DCAF4: variants seen among roughly 807,000 people sequenced by gnomAD.
The protein encoded by DCAF4 is DDB1 and CUL4 associated factor 4, also known as DDB1- and CUL4-associated factor 4.
Under a neutral mutation model 60.9 loss-of-function variants are expected in DCAF4, and 37 were observed. The ratio of observed to expected loss-of-function variants is 0.61; its 90% CI spans 0.47 to 0.80. The LOEUF (loss-of-function observed/expected upper bound fraction) is 0.80. Ranked by LOEUF, DCAF4 falls within the 30% of genes least tolerant of loss-of-function variation. The pLI, the probability that DCAF4 is intolerant of heterozygous loss-of-function variation, is 0.00. For synonymous variants in DCAF4, 243 were observed against 254.8 expected, an observed-to-expected ratio of 0.95 and a Z score of 0.44; for missense variants, 577 against 650.0, an observed-to-expected ratio of 0.89 and a Z score of 1.22.
In DCAF4 at chr14:72,959,166, C is replaced by T. The variant is rs1892668715; in HGVS notation, c.*361C>T. 3 of 1,002,382 alleles carry T rather than the reference C, an allele frequency of 3.0e-6. No homozygotes were observed. The African/African-American group carries it at 5.2e-5, about 17-fold the overall frequency. The allele number at this position is 1,002,382 out of a possible 1,614,324, so 62.1% of individuals were successfully genotyped here. A position where few individuals can be genotyped will look rare whatever the true frequency, so the allele number is the denominator to read the frequency against. On this transcript the variant is annotated 3_prime_UTR_variant, in exon 14 of 14. Transcript: ENST00000358377. ...TTCCTCCAAGAGCCCATTGAAGAAG[C>T]CCAGTGATGAGACGGTGAGATGGTT... is the stretch of plus-strand genomic sequence containing the variant.
At chr14:72,928,585 T>TTTTATATATATATATATATA (rs1283241933) in intron 1 of DCAF4, among the ~76,000 whole-genome samples, 9 of 15,930 alleles carry the variant, frequency 5.6e-4, no homozygotes, top group African/African-American at 8.5e-4. Flanking sequence ...TAAACATCCT[T>TTTTATATATATATATATATA]TATATATATA....
chr14:72,934,156 C>CT (rs72429674), intron 1 of DCAF4, among the ~76,000 whole-genome samples: 7,733 of 136,260 alleles, frequency 0.057, 727 homozygotes, highest in African/African-American at 0.19. Context: ...GTGGCATTTT[C>CT]TTTTTTTTTT....
chr14:72,950,133 G>C (rs935661970), intron 8 of DCAF4, among the ~76,000 whole-genome samples: 3 of 152,236 alleles, frequency 2.0e-5, no homozygotes, highest in Non-Finnish European at 4.4e-5. Context: ...GGAGGTCCCA[G>C]GGGGTTGTGA....
rs1306341148 is a variant in DCAF4, at chr14:72,953,726, A to T, written c.809-438A>T. ...CCCTGTCTTAAAAAAAAAAAAAAAA[A>T]AAAAAAATATATATATATATATATA... On this transcript the variant is annotated intron_variant, in intron 9 of 13. Transcript: ENST00000358377. Among the ~76,000 whole-genome samples the T allele has an allele frequency of 5.5e-3, 253 of 45,832 alleles. 12 individuals carry two copies. The highest frequency in any genetic ancestry group is 6.9e-3 in the Non-Finnish European group (184 of 26,582). The allele number at this position is 45,832 out of a possible 152,430, so 30.1% of individuals were successfully genotyped here.
intron 4 of DCAF4, 28 bp from the exon 5 acceptor site, chr14:72,941,717 A>T: frequency 6.3e-7 from 1 of 1,597,876 alleles, no homozygotes; most frequent in Non-Finnish European, 8.6e-7. Context: ...TCTTCATTGA[A>T]TTGTTCTCTT....
chr14:72,939,801 G>T lies in DCAF4; in HGVS notation c.93-1G>T. The T allele has an allele frequency of 6.2e-7, 1 of 1,610,618 alleles. No individual in the cohort carries two copies. The highest frequency in any genetic ancestry group is 8.5e-7 in the Non-Finnish European group (1 of 1,178,422). On this transcript the variant is annotated splice_acceptor_variant, in intron 2 of 13. Coordinates refer to ENST00000358377, the MANE Select transcript of DCAF4 (RefSeq NM_015604.4). LOFTEE classifies it high-confidence loss of function. ...AAGTTAACACAGCTGTGTGTCAACA[G>T]GTCTGACTCCCGGGCAGCACAGCCC...
chr14:72,935,075 A>T (rs1433521072), intron 1 of DCAF4: 1 of 152,236 alleles, frequency 6.6e-6, no homozygotes, highest in Non-Finnish European at 1.5e-5. Flanking sequence ...AGTCATGCAG[A>T]GTGATGAGTG....
Position 72,940,333 on chromosome 14 carries a change from A to G in DCAF4, c.307A>G (p.Ser103Gly). ...KESIRQKEME[S>G]KRLRLLQEED... ...GAGCATCCGGCAGAAGGAGATGGAG[A>G]GCAAGAGACTGCGGCTGCTCCAGGA... The change falls in exon 4 of 14, where the codon AGC (serine) becomes GGC (glycine). Residue 103 changes from serine to glycine, a missense_variant. Coordinates refer to ENST00000358377, the MANE Select transcript of DCAF4 (RefSeq NM_015604.4). 1 of 1,613,962 alleles carries G rather than the reference A, an allele frequency of 6.2e-7. No individual in the cohort carries two copies. Among genetic ancestry groups the G allele is most frequent in the Non-Finnish European group, 8.5e-7 (1 of 1,179,990 alleles).
downstream of DCAF4, among the ~76,000 whole-genome samples, chr14:72,961,581 C>T (rs1161830479): frequency 1.3e-5 from 2 of 152,236 alleles, no homozygotes; most frequent in African/African-American, 2.4e-5. Flanking sequence ...ATTTCTGGCC[C>T]CTCCTGTCCC....
At position 72,959,389 on chromosome 14, in the gene DCAF4, C is replaced by T. The variant is rs1892689097; in HGVS notation, c.*584C>T. On this transcript the variant is annotated 3_prime_UTR_variant, in exon 14 of 14. Coordinates refer to ENST00000358377, the MANE Select transcript of DCAF4 (RefSeq NM_015604.4). ...GGATTCTGCTGTTATTATCCAAAGG[C>T]GTTGGAAGGAAAGATGGATCTTCTT... 1.0e-6 allele frequency: 1 copy of T among 985,446 alleles called. No individual in the cohort carries two copies. Among genetic ancestry groups the T allele is most frequent in the Non-Finnish European group, 1.2e-6 (1 of 829,956 alleles). The allele number at this position is 985,446 out of a possible 1,614,324, so 61.0% of individuals were successfully genotyped here.
chr14:72,934,741 C>T (rs1420184746), intron 1 of DCAF4, among the ~76,000 whole-genome samples: 1 of 152,208 alleles, frequency 6.6e-6, no homozygotes, highest in Non-Finnish European at 1.5e-5. Flanking sequence ...GTCTGTGCAT[C>T]TGTCTCCCAT....
rs2302588 is a variant in DCAF4, at chr14:72,938,044, G to C, written c.66G>C (p.Trp22Cys). 155,878 of 1,609,300 alleles carry C rather than the reference G, an allele frequency of 0.097. 8,175 individuals carry two copies. The highest frequency in any genetic ancestry group is 0.17 in the East Asian group (7,399 of 44,694). The stretch of plus-strand genomic sequence containing the variant: ...GAAGAAGCCACCAGCAGAACCCTTG[G>C]TTCAGACTCCGTGATTCTGAAGACA... ...HGRRSHQQNP[W>C]FRLRDSEDRS... The change falls in exon 2 of 14, where the codon TGG becomes TGC. Residue 22 changes from tryptophan (W) to cysteine (C), a missense_variant. Trp to Cys is a radical substitution (Grantham distance 215). Transcript: ENST00000358377.
rs142283119 is a variant in DCAF4 at position 72,946,032 on chromosome 14, G to T, written c.678+5G>T. On this transcript the variant is annotated splice_donor_5th_base_variant and intron_variant, in intron 7 of 13. Transcript: ENST00000358377. ...CTCTACTTCACCAACCGGAAGGTAC[G>T]TTGCCCATCCCTGTAGCCTCTCTGC... The T allele has an allele frequency of 2.1e-4, 333 of 1,613,380 alleles. No homozygotes were observed. The highest frequency in any genetic ancestry group is 2.7e-4 in the Non-Finnish European group (320 of 1,180,000).
At chr14:72,939,662 A>T in intron 2 of DCAF4, 140 bp from the exon 3 acceptor site, 1 of 597,820 alleles carries the variant, frequency 1.7e-6, no homozygotes, top group South Asian at 2.8e-5. Flanking sequence ...GCAAGAGGGG[A>T]TCAGTGCTTC....
Position 72,958,682 on chromosome 14 carries a change from G to A in DCAF4, c.1365G>A (p.Pro455=), listed in dbSNP as rs199670209. 75 of 1,614,132 alleles carry A rather than the reference G, an allele frequency of 4.6e-5. 1 individual carries two copies. The East Asian group carries it at 9.4e-4, about 20-fold the overall frequency. Residue 455 remains proline, a synonymous_variant, in exon 14 of 14, where the codon CCG becomes CCA. Coordinates refer to ENST00000358377, the MANE Select transcript of DCAF4 (RefSeq NM_015604.4). ...GCCTACTGAGAACCATACCCTCCCC[G>A]TACCCTGCCTCCAAGGCCGACATTC... ...DARLLRTIPS[P]YPASKADIPS... is the part of the protein sequence containing the mutation.
At chr14:72,953,252 G>A (rs1441350024) in intron 9 of DCAF4, among the ~76,000 whole-genome samples, 7 of 151,544 alleles carry the variant, frequency 4.6e-5, no homozygotes, top group Non-Finnish European at 8.8e-5. Flanking sequence ...CACCCGCTTC[G>A]GCCTCCTAAA....
rs77222663 is a variant in DCAF4, at chr14:72,946,227, CAAAAAAA to C, written c.678+212_678+218del. On this transcript the variant is annotated intron_variant, in intron 7 of 13. Coordinates refer to ENST00000358377, the MANE Select transcript of DCAF4 (RefSeq NM_015604.4). ...CATGCATGGTGAAACCTTGTCTCTA[CAAAAAAA>C]AAAAAAAAAAATTATTTGAGTGTGG... is the stretch of plus-strand genomic sequence containing the variant. 1.3e-4 allele frequency among the ~76,000 whole-genome samples: 9 copies of C among 69,966 alleles called. No homozygotes were observed. The East Asian group carries it at 3.2e-3, about 25-fold the overall frequency. 45.9% of individuals were successfully genotyped at this position (69,966 alleles called of 152,430 possible).
intron 2 of DCAF4, among the ~76,000 whole-genome samples, chr14:72,939,272 G>A (rs1329365361): frequency 1.3e-5 from 2 of 152,152 alleles, no homozygotes; most frequent in African/African-American, 4.8e-5. Context: ...GAAGCTACTT[G>A]TGGATTTACA....
intron 1 of DCAF4, among the ~76,000 whole-genome samples, chr14:72,928,187 C>CTTTTTTTTCTTTTTT (rs1887908507): frequency 1.5e-5 from 1 of 67,256 alleles, no homozygotes; most frequent in East Asian, 5.2e-4. Flanking sequence ...AATCCCCCCA[C>CTTTTTTTTCTTTTTT]TTTTTTTTTT....
Sources: allele counts gnomAD v4.1 joint callset (sites outside exome capture counted in the v4.1 genomes callset), GRCh38; gene constraint gnomAD v4.1.1; transcripts MANE v1.5; gene names NCBI Gene and HGNC (gene_info 2026-07-23, HGNC 2026-07-21).